AGAP1: variants seen among roughly 807,000 people sequenced by gnomAD.
The protein encoded by AGAP1 is arf-GAP with GTPase, ANK repeat and PH domain-containing protein 1.
In AGAP1, 29 loss-of-function variants were observed where a neutral mutation model predicts 105.3. The ratio of observed to expected loss-of-function variants is 0.28; its 90% CI spans 0.21 to 0.38. The LOEUF (loss-of-function observed/expected upper bound fraction) is 0.38, where lower values mean the gene tolerates loss of function less well. Ranked by LOEUF, AGAP1 falls within the 10% of genes least tolerant of loss-of-function variation. The pLI is 1.00. For missense variants in AGAP1, 998 were observed against 1,165.1 expected, an observed-to-expected ratio of 0.86 and a Z score of 2.09; for synonymous variants, 509 against 485.9, an observed-to-expected ratio of 1.05 and a Z score of -0.63.
rs193017397 is a variant in AGAP1 at position 235,810,584 on chromosome 2, C to T, written c.1050+3253C>T. On this transcript the variant is annotated intron_variant, in intron 9 of 17. Transcript: ENST00000304032. ...CGTGTCGCAGTGGCTTATGTTAACC[C>T]CCTTTCACTTCCATCTGATACCTCG... Among the ~76,000 whole-genome samples the T allele has an allele frequency of 4.2e-3, 645 of 152,318 alleles. 8 individuals are homozygous for T. Among genetic ancestry groups the T allele is most frequent in the African/African-American group, 0.015 (609 of 41,552 alleles).
intron 16 of AGAP1, among the ~76,000 whole-genome samples, chr2:236,100,851 T>G (rs903609234): frequency 2.6e-5 from 4 of 151,086 alleles, no homozygotes; most frequent in African/African-American, 9.8e-5. Flanking sequence ...AAAAAAAAAT[T>G]AGTTGAGAAA....
At chr2:235,984,493 TAA>T (rs34531445) in intron 13 of AGAP1, among the ~76,000 whole-genome samples, 3 of 139,300 alleles carry the variant, frequency 2.2e-5, no homozygotes, top group Admixed American at 7.2e-5. Flanking sequence ...CTTTATTTCT[TAA>T]AAAAAAAAAA....
Position 235,744,571 on chromosome 2 carries a change from C to A in AGAP1, c.397-127C>A. The stretch of plus-strand genomic sequence containing the variant: ...GTGTGTAAAAGTGACAGTCAAAAGT[C>A]AAGCACCCAGTGTGTGACCGAGGGG... On this transcript the variant is annotated intron_variant, in intron 4 of 17. Transcript: ENST00000304032. The surrounding 1 kb of genome is among the most constrained non-coding windows in gnomAD (Gnocchi z 5.2). 2 of 1,165,122 alleles carry A rather than the reference C, an allele frequency of 1.7e-6. No homozygotes were observed. Among genetic ancestry groups the A allele is most frequent in the South Asian group, 1.4e-5 (1 of 70,522 alleles). The allele number at this position is 1,165,122 out of a possible 1,614,324, so 72.2% of individuals were successfully genotyped here. A position where few individuals can be genotyped will look rare whatever the true frequency, so the allele number is the denominator to read the frequency against.
At position 235,874,234 on chromosome 2, in the gene AGAP1, A is replaced by G. The variant is rs2049595387; in HGVS notation, c.1051-9111A>G. Among the ~76,000 whole-genome samples the G allele has an allele frequency of 2.0e-5, 3 of 151,926 alleles. No homozygotes were observed. The highest frequency in any genetic ancestry group is 6.6e-5 in the Admixed American group (1 of 15,252). ...CCCAGCTAATTTTTTGCATTTTACT[A>G]GAGACGGGGTTTCACCATGTTTACC... On this transcript the variant is annotated intron_variant, in intron 9 of 17. Transcript: ENST00000304032. The surrounding 1 kb of genome is among the most constrained non-coding windows in gnomAD (Gnocchi z 4.5).
chr2:235,560,201 A>G (rs1176040671), intron 1 of AGAP1, among the ~76,000 whole-genome samples: 1 of 152,176 alleles, frequency 6.6e-6, no homozygotes, highest in Non-Finnish European at 1.5e-5. Flanking sequence ...TAAAAGGAAA[A>G]TGAAATTCTA....
Position 236,092,688 on chromosome 2 carries a change from G to A in AGAP1, c.2115-27504G>A, listed in dbSNP as rs910455612. 2.0e-5 allele frequency among the ~76,000 whole-genome samples: 3 copies of A among 152,178 alleles called. No homozygotes were observed. Among genetic ancestry groups the A allele is most frequent in the Non-Finnish European group, 4.4e-5 (3 of 68,040 alleles). ...ATTACAGGCGTGAGCCACCGCGCCCGGCCGTATTATTTCTTTAAACTCCAT... is the reference window on the plus strand; with the variant it reads ...ATTACAGGCGTGAGCCACCGCGCCCAGCCGTATTATTTCTTTAAACTCCAT... On this transcript the variant is annotated intron_variant, in intron 16 of 17. Coordinates refer to ENST00000304032, the MANE Select transcript of AGAP1 (RefSeq NM_001037131.3). The surrounding 1 kb of genome is among the most constrained non-coding windows in gnomAD (Gnocchi z 4.7).
chr2:236,041,298 A>T (rs1195363840), intron 15 of AGAP1, among the ~76,000 whole-genome samples: 1 of 151,772 alleles, frequency 6.6e-6, no homozygotes, highest in Non-Finnish European at 1.5e-5. Context: ...ATAGAATATA[A>T]TTGGTTCATT....
chr2:235,766,402 T>C (rs891361236), intron 6 of AGAP1, among the ~76,000 whole-genome samples: 1 of 152,134 alleles, frequency 6.6e-6, no homozygotes, highest in Non-Finnish European at 1.5e-5. Context: ...TAGGGGGCAT[T>C]GAAAGCGCGT....
intron 12 of AGAP1, among the ~76,000 whole-genome samples, chr2:235,943,661 T>TG (rs1437506227): frequency 6.6e-6 from 1 of 152,090 alleles, no homozygotes. Context: ...CTTAAAATTT[T>TG]GGGGGGTATC....
intron 1 of AGAP1, among the ~76,000 whole-genome samples, chr2:235,511,860 GAA>G (rs1224321094): frequency 2.6e-5 from 4 of 151,838 alleles, no homozygotes; most frequent in East Asian, 1.9e-4. Flanking sequence ...GGATGTGTGT[GAA>G]TGTGTGTGTG....
intron 12 of AGAP1, among the ~76,000 whole-genome samples, chr2:235,949,021 T>A (rs973132018): frequency 1.3e-5 from 2 of 152,234 alleles, no homozygotes; most frequent in African/African-American, 2.4e-5. Context: ...TAATTTTTAA[T>A]AGTCAGTGAA....
At position 235,724,393 on chromosome 2, in the gene AGAP1, G is replaced by A. The variant is rs1951547699; in HGVS notation, c.310+6749G>A. ...TAGGCAGCAGCTGCCCCCATGCTCT[G>A]TCCCAGAGACGGAACACACTGGTCA... On this transcript the variant is annotated intron_variant, in intron 3 of 17. Transcript: ENST00000304032. This position sits in a 1 kb window ranked among gnomAD's most constrained non-coding sequence, Gnocchi z 4.9. Among the ~76,000 whole-genome samples the A allele has an allele frequency of 6.6e-6, 1 of 152,184 alleles. No homozygotes were observed. Among genetic ancestry groups the A allele is most frequent in the South Asian group, 2.1e-4 (1 of 4,836 alleles).
intron 13 of AGAP1, among the ~76,000 whole-genome samples, chr2:236,017,413 G>A (rs879570165): frequency 2.6e-5 from 4 of 151,956 alleles, no homozygotes; most frequent in Admixed American, 2.6e-4. Context: ...TCTATAAAGT[G>A]ACCCTTCATG....
chr2:235,807,446 T>C (rs949857366), intron 9 of AGAP1, 115 bp downstream of exon 9: 2 of 843,916 alleles, frequency 2.4e-6, no homozygotes, highest in African/African-American at 1.8e-5. Context: ...TTGATGAATG[T>C]AGAAGTCTCT....
At chr2:235,707,824 G>T (rs1336150533) in intron 1 of AGAP1, among the ~76,000 whole-genome samples, 1 of 150,060 alleles carries the variant, frequency 6.7e-6, no homozygotes, top group Non-Finnish European at 1.5e-5. Flanking sequence ...TCATTTGTGT[G>T]ACCTGATGGG....
At position 236,076,839 on chromosome 2, in the gene AGAP1, C is replaced by T. The variant is rs2058647687; in HGVS notation, c.2114+27558C>T. On this transcript the variant is annotated intron_variant, in intron 16 of 17. Coordinates refer to ENST00000304032, the MANE Select transcript of AGAP1 (RefSeq NM_001037131.3). This position sits in a 1 kb window ranked among gnomAD's most constrained non-coding sequence, Gnocchi z 4.4. ...TAGAAAAATAGTCCCAGCACAGGGT[C>T]TCATGCCTGTAATCCCAGCACTTTG... Among the ~76,000 whole-genome samples, 1 of 151,928 alleles carries T rather than the reference C, an allele frequency of 6.6e-6. No homozygotes were observed. The highest frequency in any genetic ancestry group is 2.4e-5 in the African/African-American group (1 of 41,358).
rs553044910 is a variant in AGAP1, at chr2:235,793,474, G to A, written c.674-4285G>A. ...TGGAACCAGGACAGTCTGTTGGGGTGCTGGCAGGGTGTTCGATTGCCACAT... is the reference window on the plus strand; with the variant it reads ...TGGAACCAGGACAGTCTGTTGGGGTACTGGCAGGGTGTTCGATTGCCACAT... On this transcript the variant is annotated intron_variant, in intron 6 of 17. Transcript: ENST00000304032. The surrounding 1 kb of genome is among the most constrained non-coding windows in gnomAD (Gnocchi z 5.3). 6.6e-6 allele frequency among the ~76,000 whole-genome samples: 1 copy of A among 152,350 alleles called. No homozygotes were observed. The highest frequency in any genetic ancestry group is 1.5e-5 in the Non-Finnish European group (1 of 68,038).
At position 235,736,789 on chromosome 2, in the gene AGAP1, C is replaced by T. The variant is rs1368663104; in HGVS notation, c.311-4174C>T. Among the ~76,000 whole-genome samples, 1 of 152,134 alleles carries T rather than the reference C, an allele frequency of 6.6e-6. No individual in the cohort carries two copies. The highest frequency in any genetic ancestry group is 1.5e-5 in the Non-Finnish European group (1 of 68,022). ...CTAGGCAGTCGAGGCTGCAGTGAGT[C>T]ATGTCCGTGCCACCGCACTCCAGCC... On this transcript the variant is annotated intron_variant, in intron 3 of 17. Transcript: ENST00000304032. This position sits in a 1 kb window ranked among gnomAD's most constrained non-coding sequence, Gnocchi z 5.5.
intron 9 of AGAP1, among the ~76,000 whole-genome samples, chr2:235,809,144 C>A (rs1299080790): frequency 6.6e-6 from 1 of 151,930 alleles, no homozygotes; most frequent in African/African-American, 2.4e-5. Flanking sequence ...GGCGGGAGTC[C>A]CTCTGTGCGA....
Sources: allele counts gnomAD v4.1 joint callset (sites outside exome capture counted in the v4.1 genomes callset), GRCh38; gene constraint gnomAD v4.1.1; non-coding constraint Gnocchi (gnomAD v3.1); transcripts MANE v1.5; gene names NCBI Gene and HGNC (gene_info 2026-07-23, HGNC 2026-07-21).